SNAI3: variants seen among roughly 807,000 people sequenced by gnomAD.
SNAI3 encodes zinc finger protein SNAI3.
Under a neutral mutation model 16.4 loss-of-function variants are expected in SNAI3, and 21 were observed. That is an observed-to-expected ratio of 1.28 (90% CI 0.91 to 1.85). The LOEUF is 1.85. Ranked by LOEUF, SNAI3 falls within the 40% of genes most tolerant of loss-of-function variation. The pLI is 0.00. For synonymous variants in SNAI3, 202 were observed against 166.6 expected, an observed-to-expected ratio of 1.21 and a Z score of -1.64; for missense variants, 457 against 372.8, an observed-to-expected ratio of 1.23 and a Z score of -1.86.
intron 2 of SNAI3, chr16:88,679,038 C>G (rs897901808): frequency 3.3e-5 from 33 of 985,332 alleles, no homozygotes; most frequent in Non-Finnish European, 3.7e-5. Context: ...ATCAGGACAA[C>G]AGGGGATCTG....
In SNAI3 at chr16:88,682,762, ATTTTTTTTT is replaced by A. The variant is rs71158747; in HGVS notation, c.77-1057_77-1049del. On this transcript the variant is annotated intron_variant, in intron 1 of 2. Transcript: ENST00000332281. The stretch of plus-strand genomic sequence containing the variant: ...AATACAATTTTAATATGGGCAAGGG[ATTTTTTTTT>A]TTTTTTTTTTTTTTTTTTTTTAGAG... Among the ~76,000 whole-genome samples the A allele has an allele frequency of 5.4e-4, 33 of 60,696 alleles. 1 individual carries two copies. Among genetic ancestry groups the A allele is most frequent in the East Asian group, 1.0e-3 (1 of 978 alleles). The allele number at this position is 60,696 out of a possible 152,430, so 39.8% of individuals were successfully genotyped here.
chr16:88,681,278 C>T lies in SNAI3; in HGVS notation c.513G>A (p.Arg171=), dbSNP rs1332781832. The change falls in exon 2 of 3, where the codon CGG becomes CGA. Residue 171 remains arginine (R), a synonymous_variant. Coordinates refer to ENST00000332281, the MANE Select transcript of SNAI3 (RefSeq NM_178310.4). This position sits in a 1 kb window ranked among gnomAD's most constrained non-coding sequence, Gnocchi z 5.4. ...YHTLAGLARH[R]QLHCHLQVGR... is the part of the protein sequence containing the mutation. ...CCACCTGCAGGTGGCAGTGCAGCTG[C>T]CGGTGCCTGGCCAGCCCGGCCAGCG... 1.2e-6 allele frequency: 2 copies of T among 1,613,320 alleles called. No individual in the cohort carries two copies.
chr16:88,684,011 T>G (rs1909271090), intron 1 of SNAI3, among the ~76,000 whole-genome samples: 1 of 152,126 alleles, frequency 6.6e-6, no homozygotes, highest in Non-Finnish European at 1.5e-5. Flanking sequence ...CAATAACCAG[T>G]GCTGTGAGGA....
rs960482802 is a variant in SNAI3 at position 88,686,351 on chromosome 16, C to T, written c.56G>A (p.Arg19Gln). Residue 19 changes from arginine (R) to glutamine (Q), a missense_variant, in exon 1 of 3, where the codon CGG (arginine) becomes CAG (glutamine). Physicochemically the swap from Arg to Gln is conservative, Grantham distance 43. Transcript: ENST00000332281. ...AGTACCTCTCTGCGTCTCCAGCCGC[C>T]GGTAGTTGGGGACCCTGTGGCTGGA... is the stretch of plus-strand genomic sequence containing the variant. ...THSSHRVPNY[R>Q]RLETQREING... 6.2e-7 allele frequency: 1 copy of T among 1,612,060 alleles called. No homozygotes were observed. The highest frequency in any genetic ancestry group is 1.3e-5 in the African/African-American group (1 of 74,912).
At chr16:88,679,775 A>AAAGAAAG (rs1555545687) in intron 2 of SNAI3, among the ~76,000 whole-genome samples, 4 of 106,570 alleles carry the variant, frequency 3.8e-5, no homozygotes, top group East Asian at 2.7e-4. Flanking sequence ...AAAAAAAAAA[A>AAAGAAAG]AAAAAAAGAA....
At chr16:88,682,290 G>A (rs761447685) in intron 1 of SNAI3, among the ~76,000 whole-genome samples, 1 of 152,220 alleles carries the variant, frequency 6.6e-6, no homozygotes, top group Non-Finnish European at 1.5e-5. Context: ...CTCCCTGGCC[G>A]CTGACCAGTG....
rs755092009 is a variant in SNAI3, at chr16:88,681,223, T to C, written c.568A>G (p.Lys190Glu). Residue 190 changes from lysine to glutamate, a missense_variant, in exon 2 of 3, where the codon AAG becomes GAG. Transcript: ENST00000332281. The surrounding 1 kb of genome is among the most constrained non-coding windows in gnomAD (Gnocchi z 5.4). ...AGGGCACCCAGGCTGGTGTACTCCT[T>C]GTCGCAGTACTTGCAGGTGAAGACA... is the stretch of plus-strand genomic sequence containing the variant. Reference protein sequence around the residue: ...GRVFTCKYCDKEYTSLGALKM... With the variant: ...GRVFTCKYCDEEYTSLGALKM... 2 of 1,613,752 alleles carry C rather than the reference T, an allele frequency of 1.2e-6. No individual in the cohort carries two copies. The highest frequency in any genetic ancestry group is 3.3e-5 in the Admixed American group (2 of 60,028).
intron 1 of SNAI3, among the ~76,000 whole-genome samples, chr16:88,683,915 C>G (rs569590331): frequency 4.5e-4 from 69 of 152,298 alleles, no homozygotes; most frequent in African/African-American, 1.6e-3. Context: ...CCAATGAACA[C>G]ATGCAAAGAT....
rs1489473843 is a variant in SNAI3 at position 88,678,347 on chromosome 16, C to T, written c.*101G>A. 12 of 612,168 alleles carry T rather than the reference C, an allele frequency of 2.0e-5. No homozygotes were observed. Among genetic ancestry groups the T allele is most frequent in the Admixed American group, 2.7e-5 (1 of 37,054 alleles). 37.9% of individuals were successfully genotyped at this position (612,168 alleles called of 1,614,324 possible). ...GTGGAGGACGCACCAAGTGTGAGGC[C>T]AGGCCCCGCCCTCCCAGACTCCTGG... On this transcript the variant is annotated 3_prime_UTR_variant, in exon 3 of 3. Coordinates refer to ENST00000332281, the MANE Select transcript of SNAI3 (RefSeq NM_178310.4).
At chr16:88,686,303 AG>A in intron 1 of SNAI3, 27 bp downstream of exon 1, 1 of 1,607,220 alleles carries the variant, frequency 6.2e-7, no homozygotes, top group Non-Finnish European at 8.5e-7. Flanking sequence ...GAGTCCCGGC[AG>A]GGGCTCGGGG....
chr16:88,685,598 C>G (rs1394204115), intron 1 of SNAI3: 1 of 152,288 alleles, frequency 6.6e-6, no homozygotes, highest in Admixed American at 6.5e-5. Context: ...GTCCTCTTCT[C>G]TCGTGTCCCT....
chr16:88,680,309 CAG>C (rs1305251126), intron 2 of SNAI3, among the ~76,000 whole-genome samples: 2 of 82,710 alleles, frequency 2.4e-5, no homozygotes, highest in African/African-American at 9.0e-5. Context: ...TTTTTTGAGA[CAG>C]AGTCTCGCTC....
Position 88,681,364 on chromosome 16 carries a change from C to T in SNAI3, c.427G>A (p.Glu143Lys). 1 of 1,612,558 alleles carries T rather than the reference C, an allele frequency of 6.2e-7. No homozygotes were observed. ...CCGCCCGGGGCTCGGGGCATCCGCT[C>T]AGCCCCAAGCAGTTTTTCCGGAGCC... is the stretch of plus-strand genomic sequence containing the variant. ...HGAPEKLLGA[E>K]RMPRAPGGFE... Residue 143 changes from glutamate (E) to lysine (K), a missense_variant, in exon 2 of 3, where the codon GAG (glutamate) becomes AAG (lysine). Transcript: ENST00000332281. This position sits in a 1 kb window ranked among gnomAD's most constrained non-coding sequence, Gnocchi z 5.4.
intron 1 of SNAI3, among the ~76,000 whole-genome samples, chr16:88,683,185 C>T (rs1909239799): frequency 6.6e-6 from 1 of 151,188 alleles, no homozygotes; most frequent in Non-Finnish European, 1.5e-5. Context: ...CTCCACCTCC[C>T]AGGTCCAAAT....
intron 1 of SNAI3, among the ~76,000 whole-genome samples, chr16:88,683,563 T>TC (rs999965368): frequency 9.7e-5 from 14 of 143,748 alleles, no homozygotes; most frequent in African/African-American, 1.6e-4. Context: ...CTTTTTTTTT[T>TC]TTTTTTTTTT....
chr16:88,683,023 C>T (rs1290238730), intron 1 of SNAI3, among the ~76,000 whole-genome samples: 1 of 151,096 alleles, frequency 6.6e-6, no homozygotes, highest in Non-Finnish European at 1.5e-5. Context: ...GTGATCCACC[C>T]TCCTTGGCCT....
intron 1 of SNAI3, among the ~76,000 whole-genome samples, chr16:88,682,790 TTTA>T (rs1909221950): frequency 3.8e-5 from 5 of 133,014 alleles, no homozygotes; most frequent in African/African-American, 1.3e-4. Context: ...TTTTTTTTTT[TTTA>T]GAGACGGAGT....
chr16:88,681,496 G>C lies in SNAI3; in HGVS notation c.295C>G (p.Arg99Gly). The C allele has an allele frequency of 5.8e-6, 9 of 1,553,250 alleles. No homozygotes were observed. The highest frequency in any genetic ancestry group is 7.9e-6 in the Non-Finnish European group (9 of 1,143,922). The change falls in exon 2 of 3, where the codon CGG becomes GGG. Residue 99 changes from arginine (R) to glycine (G), a missense_variant. Coordinates refer to ENST00000332281, the MANE Select transcript of SNAI3 (RefSeq NM_178310.4). The surrounding 1 kb of genome is among the most constrained non-coding windows in gnomAD (Gnocchi z 5.4). Reference sequence around the variant, plus strand: ...TCTTTGAGGGGTACAATGGCGGCCCGGCTGGCCCGAGGGTCGACCTCGCTG... The same window carrying C: ...TCTTTGAGGGGTACAATGGCGGCCCCGCTGGCCCGAGGGTCGACCTCGCTG... Reference protein sequence around the residue: ...EVSEVDPRASRAAIVPLKDSL... With the variant: ...EVSEVDPRASGAAIVPLKDSL...
At chr16:88,680,975 G>A in intron 2 of SNAI3, 119 bp downstream of exon 2, 1 of 1,392,208 alleles carries the variant, frequency 7.2e-7, no homozygotes, top group Admixed American at 2.2e-5. Context: ...AAAGGCAGAA[G>A]CTGAATGTGA....
Sources: gnomAD v4.1 joint callset for allele counts (sites outside exome capture counted in the v4.1 genomes callset) on GRCh38, gnomAD v4.1.1 for gene constraint, Gnocchi (gnomAD v3.1) non-coding constraint, MANE v1.5 for transcripts, NCBI Gene and HGNC (gene_info 2026-07-23, HGNC 2026-07-21) for gene names.